MGAT4C: variants seen among roughly 807,000 people sequenced by gnomAD.
MGAT4C encodes the protein MGAT4 family member C, also known as alpha-1,3-mannosyl-glycoprotein 4-beta-N-acetylglucosaminyltransferase C.
Under a neutral mutation model 40.1 loss-of-function variants are expected in MGAT4C, and 19 were observed. That is an observed-to-expected ratio of 0.47 (90% confidence interval 0.33 to 0.70). The LOEUF (loss-of-function observed/expected upper bound fraction) is 0.70. MGAT4C is among the 30% of genes least tolerant of loss of function. The probability of loss-of-function intolerance (pLI) is 0.02; values close to 1 mark genes in which losing one functional copy is unlikely to be tolerated. For synonymous variants in MGAT4C, 181 were observed against 187.1 expected, an observed-to-expected ratio of 0.97 and a Z score of 0.27; for missense variants, 491 against 563.2, an observed-to-expected ratio of 0.87 and a Z score of 1.30.
chr12:86,444,021 G>T (rs1275141230), intron 2 of MGAT4C, among the ~76,000 whole-genome samples: 1 of 152,036 alleles, frequency 6.6e-6, no homozygotes, highest in African/African-American at 2.4e-5. Flanking sequence ...ATATTTTTAT[G>T]CTTTCAAAAA....
chr12:86,195,278 T>C (rs553624487), intron 1 of MGAT4C, among the ~76,000 whole-genome samples: 4 of 152,288 alleles, frequency 2.6e-5, no homozygotes, highest in Admixed American at 1.3e-4. Context: ...AGTTCTTTAA[T>C]ATTTTATAAT....
intron 2 of MGAT4C, among the ~76,000 whole-genome samples, chr12:86,611,660 G>T (rs1422228629): frequency 6.6e-6 from 1 of 151,964 alleles, no homozygotes; most frequent in Non-Finnish European, 1.5e-5. Context: ...ATCATACTTG[G>T]TAAAATAGTA....
intron 3 of MGAT4C, among the ~76,000 whole-genome samples, chr12:86,424,938 A>C (rs530854572): frequency 1.8e-4 from 27 of 152,166 alleles, no homozygotes; most frequent in Admixed American, 5.2e-4. Context: ...TTGTATTTTT[A>C]GTAGAGACGG....
At chr12:86,008,267 T>C (rs1333438626) in intron 2 of MGAT4C, among the ~76,000 whole-genome samples, 1 of 152,064 alleles carries the variant, frequency 6.6e-6, no homozygotes, top group Non-Finnish European at 1.5e-5. Context: ...TATTTGAATC[T>C]AAAAATACAT....
At chr12:86,360,704 A>C (rs922192272) in intron 3 of MGAT4C, among the ~76,000 whole-genome samples, 2 of 152,222 alleles carry the variant, frequency 1.3e-5, no homozygotes, top group African/African-American at 4.8e-5. Context: ...AGACAAACAG[A>C]GAGCCAAATC....
intron 1 of MGAT4C, among the ~76,000 whole-genome samples, chr12:86,790,831 T>TA (rs34039877): frequency 1.3e-5 from 2 of 152,064 alleles, no homozygotes; most frequent in Non-Finnish European, 2.9e-5. Context: ...GGTTCAGTTA[T>TA]AAAAAAATGG....
At chr12:86,716,161 G>A (rs1950642306) in intron 2 of MGAT4C, among the ~76,000 whole-genome samples, 1 of 152,050 alleles carries the variant, frequency 6.6e-6, no homozygotes. Context: ...TGCCAAAGGT[G>A]TTTATAAACC....
intron 1 of MGAT4C, among the ~76,000 whole-genome samples, chr12:86,160,906 G>A (rs1337479078): frequency 2.0e-5 from 3 of 151,788 alleles, no homozygotes; most frequent in South Asian, 4.1e-4. Context: ...CTGCTTTTTT[G>A]TGTGTTTTCT....
intron 2 of MGAT4C, among the ~76,000 whole-genome samples, chr12:86,488,115 G>A (rs1325677778): frequency 6.6e-6 from 1 of 152,026 alleles, no homozygotes; most frequent in Non-Finnish European, 1.5e-5. Context: ...TGGGCATAGT[G>A]GCTCATGCTT....
chr12:86,174,720 T>A (rs1593145461), intron 1 of MGAT4C, among the ~76,000 whole-genome samples: 1 of 152,264 alleles, frequency 6.6e-6, no homozygotes, highest in South Asian at 2.1e-4. Context: ...CATCTTAGGA[T>A]TAAAGTGGTA....
chr12:86,707,429 A>G (rs1349599126), intron 2 of MGAT4C, among the ~76,000 whole-genome samples: 1 of 152,134 alleles, frequency 6.6e-6, no homozygotes, highest in African/African-American at 2.4e-5. Flanking sequence ...TATGTTTTAG[A>G]AAAGACACTG....
Position 85,975,602 on chromosome 12 carries a change from T to A in MGAT4C, c.*3687A>T. On this transcript the variant is annotated 3_prime_UTR_variant, in exon 5 of 5. Transcript: ENST00000611864. ...CTCCCATGAAGACAAAAGGCATGCA[T>A]ATAAAATTTGTTGAAACACAAAGCT... is the stretch of plus-strand genomic sequence containing the variant. The A allele has an allele frequency of 6.6e-6, 1 of 150,800 alleles. No individual in the cohort carries two copies. Among genetic ancestry groups the A allele is most frequent in the African/African-American group, 2.4e-5 (1 of 41,310 alleles). 9.3% of individuals were successfully genotyped at this position (150,800 alleles called of 1,614,324 possible).
chr12:86,812,911 G>A (rs1260259342), intron 1 of MGAT4C, among the ~76,000 whole-genome samples: 2 of 152,008 alleles, frequency 1.3e-5, no homozygotes, highest in Non-Finnish European at 2.9e-5. Flanking sequence ...ATTTGCCATT[G>A]GTATTGCACT....
intron 1 of MGAT4C, among the ~76,000 whole-genome samples, chr12:86,148,321 T>A (rs1383746706): frequency 2.6e-5 from 4 of 152,206 alleles, no homozygotes. Flanking sequence ...CCTGCACTTG[T>A]ACCCCTGAAC....
At chr12:86,317,807 T>C (rs1217506232) in intron 4 of MGAT4C, among the ~76,000 whole-genome samples, 2 of 151,542 alleles carry the variant, frequency 1.3e-5, no homozygotes, top group African/African-American at 2.4e-5. Flanking sequence ...ATAAGAGACA[T>C]TACATTCGAG....
At chr12:86,835,264 G>C (rs1453908772) in intron 1 of MGAT4C, among the ~76,000 whole-genome samples, 1 of 151,822 alleles carries the variant, frequency 6.6e-6, no homozygotes, top group African/African-American at 2.4e-5. Context: ...TTCTAGCATA[G>C]ATACTATTTT....
intron 2 of MGAT4C, among the ~76,000 whole-genome samples, chr12:86,491,365 T>C (rs1249003158): frequency 3.3e-5 from 5 of 151,942 alleles, no homozygotes; most frequent in Non-Finnish European, 7.4e-5. Context: ...TAGACCAATA[T>C]CCTTGATGAA....
At chr12:86,046,016 AT>A (rs954375902) in intron 2 of MGAT4C, among the ~76,000 whole-genome samples, 4 of 152,032 alleles carry the variant, frequency 2.6e-5, no homozygotes, top group African/African-American at 9.7e-5. Flanking sequence ...AAACTAATGA[AT>A]TTTAGGTGAC....
chr12:86,283,286 T>C (rs979613727), intron 4 of MGAT4C, among the ~76,000 whole-genome samples: 1 of 152,086 alleles, frequency 6.6e-6, no homozygotes, highest in South Asian at 2.1e-4. Flanking sequence ...GTTATTCAGA[T>C]TCTAAACACT....
Sources: allele counts gnomAD v4.1 joint callset (sites outside exome capture counted in the v4.1 genomes callset), GRCh38; gene constraint gnomAD v4.1.1; transcripts MANE v1.5; gene names NCBI Gene and HGNC (gene_info 2026-07-23, HGNC 2026-07-21).